PLXNA4: variants seen among roughly 807,000 people sequenced by gnomAD.
PLXNA4 encodes the protein plexin-A4.
A neutral mutation model predicts 191.8 loss-of-function variants in PLXNA4; 44 were observed. The observed-to-expected ratio is 0.23, with a 90% CI of 0.18 to 0.29. PLXNA4 has a LOEUF of 0.29. Ranked by LOEUF, PLXNA4 falls within the 10% of genes least tolerant of loss-of-function variation. The pLI is 1.00. For missense variants in PLXNA4, 1,800 were observed against 2,488.8 expected (o/e 0.72, Z 5.89); for synonymous variants, 1,082 against 1,009.5 (o/e 1.07, Z -1.36).
At chr7:132,182,862 G>A (rs1184007062) in intron 16 of PLXNA4, among the ~76,000 whole-genome samples, 1 of 152,102 alleles carries the variant, frequency 6.6e-6, no homozygotes, top group Non-Finnish European at 1.5e-5. Context: ...TGACAGGGAG[G>A]GCCTAGGAGC....
At chr7:132,145,692 C>T (rs930906620) in intron 28 of PLXNA4, among the ~76,000 whole-genome samples, 36 of 152,200 alleles carry the variant, frequency 2.4e-4, no homozygotes, top group Non-Finnish European at 4.7e-4. Flanking sequence ...ACTCACTTGG[C>T]TCTGCAGAGA....
intron 9 of PLXNA4, among the ~76,000 whole-genome samples, chr7:132,215,546 A>G (rs1333773962): frequency 6.6e-6 from 1 of 152,182 alleles, no homozygotes; most frequent in African/African-American, 2.4e-5. Context: ...TTTCCACTAT[A>G]CCTGAGTTTA....
intron 3 of PLXNA4, among the ~76,000 whole-genome samples, chr7:132,444,498 T>G (rs1390483929): frequency 6.6e-6 from 1 of 152,208 alleles, no homozygotes; most frequent in East Asian, 1.9e-4. Context: ...CCCAAAGTGC[T>G]GGGATTACAG....
intron 2 of PLXNA4, among the ~76,000 whole-genome samples, chr7:132,602,464 T>G (rs1802839112): frequency 6.6e-6 from 1 of 152,190 alleles, no homozygotes; most frequent in South Asian, 2.1e-4. Flanking sequence ...CTTGTTGTTA[T>G]GGGGAGTTTC....
chr7:132,248,070 C>T (rs1232771042), intron 4 of PLXNA4, among the ~76,000 whole-genome samples: 1 of 152,210 alleles, frequency 6.6e-6, no homozygotes, highest in Non-Finnish European at 1.5e-5. Context: ...GGCCTCAGAA[C>T]TCGATTGGCC....
chr7:132,521,361 C>A (rs1799175715), intron 1 of PLXNA4, among the ~76,000 whole-genome samples: 1 of 151,982 alleles, frequency 6.6e-6, no homozygotes, highest in Non-Finnish European at 1.5e-5. Flanking sequence ...GATCAAGTAA[C>A]AAGTGTAATA....
At chr7:132,354,102 C>A (rs1221079350) in intron 3 of PLXNA4, among the ~76,000 whole-genome samples, 1 of 152,152 alleles carries the variant, frequency 6.6e-6, no homozygotes, top group African/African-American at 2.4e-5. Flanking sequence ...GAGCAACTGT[C>A]CTGGCGGGTT....
At chr7:132,342,420 T>C (rs1166539124) in intron 3 of PLXNA4, among the ~76,000 whole-genome samples, 2 of 151,990 alleles carry the variant, frequency 1.3e-5, no homozygotes, top group African/African-American at 4.8e-5. Context: ...GTGATTGTTA[T>C]TGTTGTTATT....
chr7:132,552,720 C>T (rs527927144), intron 1 of PLXNA4, among the ~76,000 whole-genome samples: 1 of 152,156 alleles, frequency 6.6e-6, no homozygotes, highest in East Asian at 1.9e-4. Flanking sequence ...CCCCTTTGGG[C>T]CACAAAACAC....
chr7:132,468,970 G>A (rs546519786), intron 3 of PLXNA4, among the ~76,000 whole-genome samples: 20 of 151,916 alleles, frequency 1.3e-4, no homozygotes, highest in Non-Finnish European at 2.5e-4. Flanking sequence ...TGGAATGCTC[G>A]AAAGCTTCCA....
chr7:132,152,149 T>C (rs1278390318), intron 25 of PLXNA4, among the ~76,000 whole-genome samples: 1 of 152,184 alleles, frequency 6.6e-6, no homozygotes, highest in East Asian at 1.9e-4. Flanking sequence ...ATCTGAGCCA[T>C]AGAGCTCTAC....
At chr7:132,441,622 G>C (rs968184270) in intron 3 of PLXNA4, among the ~76,000 whole-genome samples, 1 of 152,188 alleles carries the variant, frequency 6.6e-6, no homozygotes, top group Non-Finnish European at 1.5e-5. Context: ...AGGTAGTAAT[G>C]AATGGAATTC....
At chr7:132,607,498 A>G (rs1802949201) in intron 2 of PLXNA4, among the ~76,000 whole-genome samples, 1 of 152,214 alleles carries the variant, frequency 6.6e-6, no homozygotes, top group Admixed American at 6.5e-5. Flanking sequence ...TGAGAGATGG[A>G]TAGTTCTGAA....
At chr7:132,306,783 C>G (rs1417799388) in intron 3 of PLXNA4, among the ~76,000 whole-genome samples, 1 of 152,170 alleles carries the variant, frequency 6.6e-6, no homozygotes, top group African/African-American at 2.4e-5. Context: ...TGTGCACTCT[C>G]TGGCTCTGAA....
intron 3 of PLXNA4, among the ~76,000 whole-genome samples, chr7:132,343,598 A>G (rs894062897): frequency 6.6e-6 from 1 of 152,220 alleles, no homozygotes; most frequent in African/African-American, 2.4e-5. Flanking sequence ...TGAGGCTCAG[A>G]AGAGAGTAAG....
chr7:132,519,677 C>T (rs183459226), intron 1 of PLXNA4, among the ~76,000 whole-genome samples: 1 of 152,338 alleles, frequency 6.6e-6, no homozygotes, highest in East Asian at 1.9e-4. Flanking sequence ...GGTCTTCACC[C>T]AAATGAGCTC....
intron 2 of PLXNA4, among the ~76,000 whole-genome samples, chr7:132,596,865 G>GA (rs3067229): frequency 0.27 from 38,596 of 144,562 alleles, 5,727 homozygotes; most frequent in Admixed American, 0.38. Context: ...CCATGGTCCT[G>GA]AAAAAAAAAA....
At chr7:132,415,127 C>A (rs1443081961) in intron 3 of PLXNA4, among the ~76,000 whole-genome samples, 1 of 152,196 alleles carries the variant, frequency 6.6e-6, no homozygotes, top group Admixed American at 6.5e-5. Flanking sequence ...ACATCTGATT[C>A]CTGGGGCAGG....
chr7:132,144,496 G>C (rs537127293), intron 29 of PLXNA4, among the ~76,000 whole-genome samples: 1 of 152,198 alleles, frequency 6.6e-6, no homozygotes, highest in Admixed American at 6.5e-5. Context: ...TTAAGGGCAG[G>C]TCTCTTCACC....
Sources: allele counts gnomAD v4.1 joint callset (sites outside exome capture counted in the v4.1 genomes callset), GRCh38; gene constraint gnomAD v4.1.1; transcripts MANE v1.5; gene names NCBI Gene and HGNC (gene_info 2026-07-23, HGNC 2026-07-21).